MARCHF1: variants seen among roughly 807,000 people sequenced by gnomAD.
The protein encoded by MARCHF1 is membrane associated ring-CH-type finger 1.
A neutral mutation model predicts 54.2 loss-of-function variants in MARCHF1; 40 were observed. The ratio of observed to expected loss-of-function variants is 0.74; its 90% CI spans 0.57 to 0.96. The LOEUF is 0.96. Ranked by LOEUF, MARCHF1 falls within the 40% of genes least tolerant of loss-of-function variation. The pLI, the probability that MARCHF1 is intolerant of heterozygous loss-of-function variation, is 0.00. For missense variants in MARCHF1, 586 were observed against 656.5 expected (o/e 0.89, Z 1.17); for synonymous variants, 236 against 236.3 (o/e 1.00, Z 0.01).
At chr4:163,824,351 C>T in intron 4 of MARCHF1, among the ~76,000 whole-genome samples, 1 of 151,334 alleles carries the variant, frequency 6.6e-6, no homozygotes, top group East Asian at 1.9e-4. Flanking sequence ...CTACAACTAT[C>T]TGATCTTTGA....
At chr4:163,630,027 G>T (rs577465574) in intron 5 of MARCHF1, among the ~76,000 whole-genome samples, 1 of 152,198 alleles carries the variant, frequency 6.6e-6, no homozygotes, top group East Asian at 1.9e-4. Flanking sequence ...AAATAATTTC[G>T]CAGTTTCATA....
intron 1 of MARCHF1, among the ~76,000 whole-genome samples, chr4:164,123,533 T>C (rs1756115482): frequency 1.3e-5 from 2 of 152,120 alleles, no homozygotes; most frequent in Admixed American, 1.3e-4. Context: ...TTTAATCACA[T>C]TACCTGATTT....
intron 2 of MARCHF1, among the ~76,000 whole-genome samples, chr4:164,028,657 C>A (rs1753817585): frequency 6.6e-6 from 1 of 152,106 alleles, no homozygotes; most frequent in Non-Finnish European, 1.5e-5. Flanking sequence ...GTGATCCATA[C>A]CCCTAACCTC....
At chr4:164,049,735 C>T (rs964924719) in intron 2 of MARCHF1, among the ~76,000 whole-genome samples, 1 of 152,112 alleles carries the variant, frequency 6.6e-6, no homozygotes, top group African/African-American at 2.4e-5. Context: ...TGTCACCATA[C>T]AATTCTTGTC....
intron 2 of MARCHF1, among the ~76,000 whole-genome samples, chr4:164,096,690 T>C (rs1407676511): frequency 6.6e-6 from 1 of 152,092 alleles, no homozygotes; most frequent in Non-Finnish European, 1.5e-5. Flanking sequence ...AAAAACAGAA[T>C]GTAATAGAAA....
chr4:164,362,169 A>G (rs1209365439), intron 1 of MARCHF1, among the ~76,000 whole-genome samples: 10 of 152,178 alleles, frequency 6.6e-5, no homozygotes, highest in South Asian at 2.1e-4. Context: ...GCTTGTATAG[A>G]AAACCTTTTC....
At position 163,594,023 on chromosome 4, in the gene MARCHF1, AC is replaced by A. The variant is rs775659244; in HGVS notation, c.1011-8095del. Among the ~76,000 whole-genome samples the A allele has an allele frequency of 5.9e-5, 9 of 152,312 alleles. No individual in the cohort carries two copies. The East Asian group carries it at 9.6e-4, about 16-fold the overall frequency. ...ATATTGACAGTTTATGCATCAGACAACTGCAAAATTAGACAGGATACATTTA... is the reference window on the plus strand; with the variant it reads ...ATATTGACAGTTTATGCATCAGACAATGCAAAATTAGACAGGATACATTTA... On this transcript the variant is annotated intron_variant, in intron 7 of 9. Transcript: ENST00000514618.
At chr4:163,845,392 C>A (rs1749454661) in intron 4 of MARCHF1, among the ~76,000 whole-genome samples, 2 of 149,400 alleles carry the variant, frequency 1.3e-5, no homozygotes, top group African/African-American at 2.5e-5. Flanking sequence ...TCTCACAAAA[C>A]CAAAGACAAA....
intron 3 of MARCHF1, among the ~76,000 whole-genome samples, chr4:163,986,050 T>C (rs1752855257): frequency 6.6e-6 from 1 of 151,928 alleles, no homozygotes; most frequent in African/African-American, 2.4e-5. Flanking sequence ...TCAAAACAAG[T>C]TATTCGGCGG....
intron 4 of MARCHF1, among the ~76,000 whole-genome samples, chr4:163,734,802 A>C (rs1745985913): frequency 6.6e-6 from 1 of 152,138 alleles, no homozygotes; most frequent in South Asian, 2.1e-4. Flanking sequence ...AATGTATCGT[A>C]TTATACACTT....
intron 1 of MARCHF1, among the ~76,000 whole-genome samples, chr4:164,329,704 C>T (rs948630992): frequency 2.6e-5 from 4 of 152,128 alleles, no homozygotes; most frequent in African/African-American, 9.7e-5. Context: ...AGAGCAGGCA[C>T]GTCACACGGC....
Position 163,719,862 on chromosome 4 carries a change from G to A in MARCHF1, c.112-18999C>T, listed in dbSNP as rs538135100. Among the ~76,000 whole-genome samples the A allele has an allele frequency of 4.1e-4, 62 of 151,888 alleles. 1 individual carries two copies. The South Asian group carries it at 8.3e-3, about 20-fold the overall frequency. ...AAGTGTCTGTTCATATTCTTCGCCC[G>A]CTTGTTGATGGGGTTGTTTTTTTCT... On this transcript the variant is annotated intron_variant, in intron 4 of 9. Coordinates refer to ENST00000514618, the MANE Select transcript of MARCHF1 (RefSeq NM_001394959.1).
chr4:163,970,715 G>C (rs1396510494), intron 3 of MARCHF1, among the ~76,000 whole-genome samples: 1 of 152,126 alleles, frequency 6.6e-6, no homozygotes, highest in Admixed American at 6.5e-5. Flanking sequence ...AGAGGAGCTT[G>C]ATTACTATTA....
At chr4:164,229,671 G>T (rs888867821) in intron 1 of MARCHF1, among the ~76,000 whole-genome samples, 7 of 152,152 alleles carry the variant, frequency 4.6e-5, no homozygotes, top group African/African-American at 1.7e-4. Context: ...TAGGAAGCAT[G>T]ATACTGTCAT....
chr4:163,636,102 A>G (rs1447941997), intron 5 of MARCHF1, among the ~76,000 whole-genome samples: 1 of 152,246 alleles, frequency 6.6e-6, no homozygotes, highest in Non-Finnish European at 1.5e-5. Flanking sequence ...TTTCAAAACA[A>G]TAAGAGCTAT....
intron 8 of MARCHF1, 142 bp from the exon 9 acceptor site, chr4:163,545,885 G>T (rs150473469): frequency 5.7e-6 from 4 of 700,350 alleles, no homozygotes; most frequent in Non-Finnish European, 9.7e-6. Context: ...ATTCAAATAA[G>T]TCTTCATGTT....
At chr4:164,097,085 A>G (rs1425951004) in intron 2 of MARCHF1, among the ~76,000 whole-genome samples, 1 of 152,196 alleles carries the variant, frequency 6.6e-6, no homozygotes, top group African/African-American at 2.4e-5. Flanking sequence ...ACATGTAAAA[A>G]AATAATGTAA....
At chr4:163,667,239 G>A (rs988144241) in intron 5 of MARCHF1, among the ~76,000 whole-genome samples, 12 of 152,066 alleles carry the variant, frequency 7.9e-5, no homozygotes, top group African/African-American at 2.9e-4. Flanking sequence ...AAGTTGTGCT[G>A]GAGCGTGGCA....
chr4:164,381,635 A>T (rs1731372694), intron 1 of MARCHF1, among the ~76,000 whole-genome samples: 2 of 152,206 alleles, frequency 1.3e-5, no homozygotes, highest in South Asian at 4.1e-4. Context: ...TGATTATCTG[A>T]TCAGAGTTAT....
Sources: allele counts gnomAD v4.1 joint callset (sites outside exome capture counted in the v4.1 genomes callset), GRCh38; gene constraint gnomAD v4.1.1; transcripts MANE v1.5; gene names NCBI Gene and HGNC (gene_info 2026-07-23, HGNC 2026-07-21).